Variants in SLC39A11 observed in about 807,000 individuals in gnomAD.
SLC39A11 encodes the protein zinc transporter ZIP11.
A neutral mutation model predicts 36.1 loss-of-function variants in SLC39A11; 33 were observed. That is an observed-to-expected ratio of 0.91 (90% CI 0.69 to 1.22). SLC39A11 has a LOEUF of 1.22. Ranked by LOEUF, SLC39A11 falls within the 50% of genes most tolerant of loss-of-function variation. The pLI is 0.00. For synonymous variants in SLC39A11, 166 were observed against 170.3 expected, an observed-to-expected ratio of 0.97 and a Z score of 0.20; for missense variants, 432 against 430.3, an observed-to-expected ratio of 1.00 and a Z score of -0.03.
chr17:73,013,650 T>C (rs950804277), intron 4 of SLC39A11, among the ~76,000 whole-genome samples: 9 of 151,304 alleles, frequency 5.9e-5, no homozygotes, highest in African/African-American at 2.2e-4. Flanking sequence ...TGTAACACAA[T>C]AAAAATTCAT....
chr17:72,973,163 T>C (rs7216568), intron 4 of SLC39A11, among the ~76,000 whole-genome samples: 8,414 of 151,638 alleles, frequency 0.055, 788 homozygotes, highest in African/African-American at 0.19. Flanking sequence ...TTTCCTTGCA[T>C]AAAAGTTGGC....
chr17:73,004,146 A>G (rs1026020855), intron 4 of SLC39A11, among the ~76,000 whole-genome samples: 2 of 145,988 alleles, frequency 1.4e-5, no homozygotes, highest in Non-Finnish European at 3.0e-5. Context: ...AAAGGAAGAA[A>G]GAAAGAAAGA....
chr17:72,980,867 T>C (rs1355162651), intron 4 of SLC39A11, among the ~76,000 whole-genome samples: 1 of 151,908 alleles, frequency 6.6e-6, no homozygotes, highest in Non-Finnish European at 1.5e-5. Flanking sequence ...CTACTAAAAA[T>C]ACAAAAATTA....
intron 6 of SLC39A11, chr17:72,837,731 C>T (rs2078630006): frequency 3.8e-6 from 1 of 263,076 alleles, no homozygotes; most frequent in African/African-American, 2.2e-5. Flanking sequence ...CTTACTGATA[C>T]ATGCTACAAC....
intron 5 of SLC39A11, among the ~76,000 whole-genome samples, chr17:72,901,535 G>T (rs1418921316): frequency 6.6e-6 from 1 of 152,190 alleles, no homozygotes; most frequent in Non-Finnish European, 1.5e-5. Context: ...GACCACAGGA[G>T]AGAGGCTCGG....
intron 4 of SLC39A11, among the ~76,000 whole-genome samples, chr17:72,979,128 G>C (rs1568059755): frequency 6.6e-6 from 1 of 152,120 alleles, no homozygotes; most frequent in Non-Finnish European, 1.5e-5. Context: ...TCGTGATAGT[G>C]AGTGAGTTCT....
At chr17:72,688,253 C>T (rs1041147804) in intron 7 of SLC39A11, among the ~76,000 whole-genome samples, 12 of 152,218 alleles carry the variant, frequency 7.9e-5, no homozygotes, top group Non-Finnish European at 1.6e-4. Flanking sequence ...ATGAAGGGCA[C>T]AGAGGAAGTA....
intron 4 of SLC39A11, among the ~76,000 whole-genome samples, chr17:72,983,037 T>C (rs1423723394): frequency 6.6e-6 from 1 of 152,162 alleles, no homozygotes; most frequent in Non-Finnish European, 1.5e-5. Context: ...GTAAAGGACA[T>C]GAAACAATCA....
chr17:72,935,689 TCTC>T (rs2084698464), intron 5 of SLC39A11, among the ~76,000 whole-genome samples: 1 of 152,076 alleles, frequency 6.6e-6, no homozygotes, highest in Middle Eastern at 3.2e-3. Context: ...TTCAAGCAAT[TCTC>T]CTGCCTCAGC....
In SLC39A11 at chr17:72,890,906, A is replaced by T. The variant is rs536805868; in HGVS notation, c.431-41102T>A. On this transcript the variant is annotated intron_variant, in intron 5 of 9. Coordinates refer to ENST00000255559, the MANE Select transcript of SLC39A11 (RefSeq NM_139177.4). ...TCACCAGAAAGGAAGGATGAGAATGATTAAGCACTGCAAATATACTGAGAA... is the reference window on the plus strand; with the variant it reads ...TCACCAGAAAGGAAGGATGAGAATGTTTAAGCACTGCAAATATACTGAGAA... Among the ~76,000 whole-genome samples the T allele has an allele frequency of 9.2e-5, 14 of 152,296 alleles. No homozygotes were observed. In the East Asian group the frequency reaches 2.7e-3, roughly 29 times the overall value.
intron 6 of SLC39A11, among the ~76,000 whole-genome samples, chr17:72,840,458 T>G (rs1219287600): frequency 6.6e-6 from 1 of 152,066 alleles, no homozygotes; most frequent in Non-Finnish European, 1.5e-5. Flanking sequence ...ACCTGGACAA[T>G]GTAGAAAGAA....
At chr17:72,847,393 C>T (rs923197750) in intron 6 of SLC39A11, among the ~76,000 whole-genome samples, 4 of 104,784 alleles carry the variant, frequency 3.8e-5, no homozygotes, top group Non-Finnish European at 7.8e-5. Context: ...CAGAGCGAGA[C>T]TCTGTCTCAT....
chr17:72,651,063 C>T (rs1006974828), intron 7 of SLC39A11, among the ~76,000 whole-genome samples: 1 of 152,178 alleles, frequency 6.6e-6, no homozygotes, highest in African/African-American at 2.4e-5. Context: ...CCAGATACCT[C>T]AGGAAGAAGT....
intron 5 of SLC39A11, among the ~76,000 whole-genome samples, chr17:72,884,159 AAAAGAAAG>A (rs113091239): frequency 6.6e-6 from 1 of 151,960 alleles, no homozygotes; most frequent in Non-Finnish European, 1.5e-5. Context: ...GTCTCCAAAA[AAAAGAAAG>A]AAAGAAAGAA....
At chr17:73,014,303 C>T (rs1447676786) in intron 4 of SLC39A11, among the ~76,000 whole-genome samples, 2 of 152,130 alleles carry the variant, frequency 1.3e-5, no homozygotes, top group Non-Finnish European at 2.9e-5. Flanking sequence ...TTCTCACTCC[C>T]TATCCCGGTG....
intron 4 of SLC39A11, among the ~76,000 whole-genome samples, chr17:73,020,321 G>C (rs1304711561): frequency 6.6e-6 from 1 of 152,192 alleles, no homozygotes; most frequent in Non-Finnish European, 1.5e-5. Flanking sequence ...TGTAAGAAGA[G>C]ACATCAGAGA....
intron 6 of SLC39A11, among the ~76,000 whole-genome samples, chr17:72,768,886 G>A (rs532898923): frequency 2.0e-4 from 31 of 151,928 alleles, no homozygotes; most frequent in Admixed American, 1.8e-3. Context: ...TCAGCCTCCC[G>A]AGTAGCTGGG....
rs138679658 is a variant in SLC39A11, at chr17:73,023,974, G to A, written c.306+7582C>T. 1.7e-3 allele frequency among the ~76,000 whole-genome samples: 254 copies of A among 152,318 alleles called. 1 individual carries two copies. The highest frequency in any genetic ancestry group is 5.8e-3 in the African/African-American group (240 of 41,574). ...GGCCTCAAAAGAAACCAACCCTGCC[G>A]GCACCTTAGCCTTGGACTTCCAGCC... is the stretch of plus-strand genomic sequence containing the variant. On this transcript the variant is annotated intron_variant, in intron 4 of 9. Coordinates refer to ENST00000255559, the MANE Select transcript of SLC39A11 (RefSeq NM_139177.4).
intron 7 of SLC39A11, among the ~76,000 whole-genome samples, chr17:72,694,008 C>T (rs1024177605): frequency 3.9e-5 from 6 of 152,100 alleles, no homozygotes; most frequent in Non-Finnish European, 5.9e-5. Flanking sequence ...CCTGACTCTC[C>T]CGAGGGGACA....
Sources: gnomAD v4.1 joint callset for allele counts (sites outside exome capture counted in the v4.1 genomes callset) on GRCh38, gnomAD v4.1.1 for gene constraint, MANE v1.5 for transcripts, NCBI Gene and HGNC (gene_info 2026-07-23, HGNC 2026-07-21) for gene names.